Variants in OPCML observed in about 807,000 individuals in gnomAD.
The protein encoded by OPCML is opioid binding protein/cell adhesion molecule like, also known as opioid-binding protein/cell adhesion molecule.
In OPCML, 13 loss-of-function variants were observed where a neutral mutation model predicts 37.8. That is an observed-to-expected ratio of 0.34 (90% CI 0.22 to 0.55). The LOEUF (loss-of-function observed/expected upper bound fraction) is 0.55, where lower values mean the gene tolerates loss of function less well. Ranked by LOEUF, OPCML falls within the 20% of genes least tolerant of loss-of-function variation. The probability of loss-of-function intolerance (pLI) is 0.91; values close to 1 mark genes in which losing one functional copy is unlikely to be tolerated. For missense variants in OPCML, 341 were observed against 435.6 expected, an observed-to-expected ratio of 0.78 and a Z score of 1.93; for synonymous variants, 176 against 168.8, an observed-to-expected ratio of 1.04 and a Z score of -0.33.
At chr11:132,864,909 C>T (rs751448943) in intron 2 of OPCML, among the ~76,000 whole-genome samples, 5 of 152,162 alleles carry the variant, frequency 3.3e-5, no homozygotes, top group Non-Finnish European at 7.3e-5. Context: ...TGCTGAGAGC[C>T]GGAAATGCCC....
chr11:133,256,237 C>A (rs1565532695), intron 1 of OPCML, among the ~76,000 whole-genome samples: 1 of 152,202 alleles, frequency 6.6e-6, no homozygotes, highest in East Asian at 1.9e-4. Flanking sequence ...ATGAACCCAA[C>A]TGTTTGGAGT....
chr11:133,375,091 C>T (rs953358327), intron 1 of OPCML, among the ~76,000 whole-genome samples: 2 of 152,168 alleles, frequency 1.3e-5, no homozygotes, highest in African/African-American at 4.8e-5. Context: ...GTGCTCTCTC[C>T]TTCTCCATCT....
chr11:132,604,838 G>A (rs770340177), intron 3 of OPCML, among the ~76,000 whole-genome samples: 6 of 152,082 alleles, frequency 3.9e-5, no homozygotes, highest in Non-Finnish European at 7.3e-5. Flanking sequence ...TGATGTAGAG[G>A]GTATAGTGAA....
rs147113136 is a variant in OPCML at position 133,252,259 on chromosome 11, G to A, written c.61+280005C>T. Among the ~76,000 whole-genome samples the A allele has an allele frequency of 6.5e-3, 985 of 152,194 alleles. 9 individuals carry two copies. The highest frequency in any genetic ancestry group is 0.022 in the African/African-American group (904 of 41,524). ...GAGAGACAAGTTAGACCAGAAATAC[G>A]TACAGCACAATCTCCAGCAAATTTC... On this transcript the variant is annotated intron_variant, in intron 1 of 7. Coordinates refer to ENST00000524381, the MANE Select transcript of OPCML (RefSeq NM_001012393.5).
intron 1 of OPCML, among the ~76,000 whole-genome samples, chr11:133,017,789 C>A (rs923334832): frequency 6.6e-6 from 1 of 152,220 alleles, no homozygotes; most frequent in African/African-American, 2.4e-5. Flanking sequence ...AGTCTCAATG[C>A]TTGCTAGCAA....
chr11:133,204,087 A>AAAAAAAAC, intron 1 of OPCML, among the ~76,000 whole-genome samples: 1 of 142,134 alleles, frequency 7.0e-6, no homozygotes, highest in Non-Finnish European at 1.5e-5. Context: ...AAAAAAAAAA[A>AAAAAAAAC]ATGCAAAGGA....
At chr11:133,308,652 A>G (rs772710342) in intron 1 of OPCML, among the ~76,000 whole-genome samples, 3 of 152,160 alleles carry the variant, frequency 2.0e-5, no homozygotes, top group Non-Finnish European at 4.4e-5. Context: ...ACCCACAGTA[A>G]CAATGAGCAC....
chr11:133,305,450 T>A (rs887039114), intron 1 of OPCML, among the ~76,000 whole-genome samples: 2 of 152,204 alleles, frequency 1.3e-5, no homozygotes, highest in Non-Finnish European at 2.9e-5. Flanking sequence ...AAACATATCA[T>A]AAAATACAGG....
At position 133,410,580 on chromosome 11, in the gene OPCML, G is replaced by C. The variant is rs1294049783; in HGVS notation, c.61+121684C>G. ...TCAGGAACTGGTTTAGAAGTTGTGG[G>C]GTTTTTGTTGCTTTTTTTTTTCTTT... On this transcript the variant is annotated intron_variant, in intron 1 of 7. Coordinates refer to ENST00000524381, the MANE Select transcript of OPCML (RefSeq NM_001012393.5). 2.2e-5 allele frequency among the ~76,000 whole-genome samples: 3 copies of C among 138,788 alleles called. No homozygotes were observed. In the Admixed American group the frequency reaches 2.4e-4, roughly 11 times the overall value. 91.1% of individuals were successfully genotyped at this position (138,788 alleles called of 152,430 possible). A position where few individuals can be genotyped will look rare whatever the true frequency, so the allele number is the denominator to read the frequency against.
intron 2 of OPCML, among the ~76,000 whole-genome samples, chr11:132,794,961 T>C (rs1938215917): frequency 6.6e-6 from 1 of 150,424 alleles, no homozygotes; most frequent in African/African-American, 2.4e-5. Context: ...ATGTGATATA[T>C]TATTTATGGT....
intron 1 of OPCML, among the ~76,000 whole-genome samples, chr11:133,055,194 C>A (rs1395608572): frequency 6.8e-6 from 1 of 146,312 alleles, no homozygotes; most frequent in Non-Finnish European, 1.5e-5. Flanking sequence ...ATGATACTTC[C>A]AAGTGGTGAG....
intron 1 of OPCML, among the ~76,000 whole-genome samples, chr11:133,176,732 G>A (rs972249561): frequency 1.3e-5 from 2 of 152,272 alleles, no homozygotes; most frequent in Middle Eastern, 3.4e-3. Context: ...CTGCAGAACC[G>A]TGAGCCAATT....
At position 132,699,150 on chromosome 11, in the gene OPCML, T is replaced by G. The variant is rs1206386321; in HGVS notation, c.147-41831A>C. Among the ~76,000 whole-genome samples, 4 of 152,196 alleles carry G rather than the reference T, an allele frequency of 2.6e-5. No homozygotes were observed. In the East Asian group the frequency reaches 7.7e-4, roughly 29 times the overall value. ...ATGGGACTGTTGTTTCAACTTCTTT[T>G]TGATAGGTTCTTATTAGTGTATGAA... On this transcript the variant is annotated intron_variant, in intron 2 of 7. Coordinates refer to ENST00000524381, the MANE Select transcript of OPCML (RefSeq NM_001012393.5).
chr11:133,327,885 A>G (rs1020147750), intron 1 of OPCML, among the ~76,000 whole-genome samples: 3 of 152,164 alleles, frequency 2.0e-5, no homozygotes, highest in Admixed American at 2.0e-4. Context: ...TCAAACTGAC[A>G]AGGTGCTCGC....
chr11:132,835,295 G>A (rs1312276586), intron 2 of OPCML, among the ~76,000 whole-genome samples: 1 of 152,228 alleles, frequency 6.6e-6, no homozygotes, highest in Non-Finnish European at 1.5e-5. Flanking sequence ...GAAGTGTGGG[G>A]TTAGTACAAA....
At chr11:133,335,081 C>T (rs1943714397) in intron 1 of OPCML, among the ~76,000 whole-genome samples, 1 of 152,216 alleles carries the variant, frequency 6.6e-6, no homozygotes, top group African/African-American at 2.4e-5. Context: ...TTAGCCACAG[C>T]CCTGAACTTT....
intron 3 of OPCML, among the ~76,000 whole-genome samples, chr11:132,590,970 C>A (rs1021505690): frequency 2.6e-5 from 4 of 152,146 alleles, no homozygotes; most frequent in East Asian, 1.9e-4. Flanking sequence ...TCTAGAAGAA[C>A]CAGTATCTTC....
intron 1 of OPCML, among the ~76,000 whole-genome samples, chr11:133,129,629 G>A (rs1007606088): frequency 1.3e-5 from 2 of 152,196 alleles, no homozygotes; most frequent in Admixed American, 6.6e-5. Context: ...AGGACTGGGT[G>A]TGGTGTCTCA....
chr11:133,178,764 T>C (rs515197), intron 1 of OPCML, among the ~76,000 whole-genome samples: 98,799 of 152,006 alleles, frequency 0.65, 32,861 homozygotes, highest in Middle Eastern at 0.74. Context: ...CTTCCATAGA[T>C]GCTTTAATTC....
Sources: gnomAD v4.1 joint callset for allele counts (sites outside exome capture counted in the v4.1 genomes callset) on GRCh38, gnomAD v4.1.1 for gene constraint, MANE v1.5 for transcripts, NCBI Gene and HGNC (gene_info 2026-07-23, HGNC 2026-07-21) for gene names.